The following SMC1B variants were observed in gnomAD, a reference collection of about 807,000 sequenced individuals.
SMC1B encodes the protein structural maintenance of chromosomes 1B, also known as structural maintenance of chromosomes protein 1B.
In SMC1B, 60 loss-of-function variants were observed where a neutral mutation model predicts 157.9. The observed-to-expected ratio is 0.38, with a 90% CI of 0.31 to 0.47. The LOEUF (loss-of-function observed/expected upper bound fraction) is 0.47, where lower values mean the gene tolerates loss of function less well. Ranked by LOEUF, SMC1B falls within the 20% of genes least tolerant of loss-of-function variation. The pLI, the probability that SMC1B is intolerant of heterozygous loss-of-function variation, is 0.99. For synonymous variants in SMC1B, 445 were observed against 483.0 expected, an observed-to-expected ratio of 0.92 and a Z score of 1.03; for missense variants, 1,165 against 1,426.2, an observed-to-expected ratio of 0.82 and a Z score of 2.95.
At chr22:45,392,464 A>AT (rs993206377) in intron 9 of SMC1B, among the ~76,000 whole-genome samples, 120 of 131,910 alleles carry the variant, frequency 9.1e-4, no homozygotes, top group African/African-American at 3.4e-3. Context: ...CATCAGGTCG[A>AT]TTTTTTTTTT....
At position 45,372,156 on chromosome 22, in the gene SMC1B, T is replaced by G; in HGVS notation, c.2195A>C (p.Gln732Pro). The stretch of plus-strand genomic sequence containing the variant: ...ATATTTTATGTAAGTCTATATTACC[T>G]GGTAAAAAGCAACAAGGTGCTTCTT... Reference protein sequence around the residue: ...IKKKHLVAFYQEQSQLQSELL... With the variant: ...IKKKHLVAFYPEQSQLQSELL... The change falls in exon 13 of 25, where the codon CAG (glutamine) becomes CCG (proline). Residue 732 changes from glutamine to proline, a missense_variant and splice_region_variant. Coordinates refer to ENST00000357450, the MANE Select transcript of SMC1B (RefSeq NM_148674.5). 6.2e-7 allele frequency: 1 copy of G among 1,601,230 alleles called. No individual in the cohort carries two copies. Among genetic ancestry groups the G allele is most frequent in the Non-Finnish European group, 8.5e-7 (1 of 1,176,004 alleles).
chr22:45,399,100 T>A lies in SMC1B; in HGVS notation c.1108A>T (p.Ser370Cys). 6.2e-7 allele frequency: 1 copy of A among 1,611,286 alleles called. No homozygotes were observed. Among genetic ancestry groups the A allele is most frequent in the Non-Finnish European group, 8.5e-7 (1 of 1,179,486 alleles). The change falls in exon 6 of 25, where the codon AGT becomes TGT. Residue 370 changes from serine (S) to cysteine (C), a missense_variant. Coordinates refer to ENST00000357450, the MANE Select transcript of SMC1B (RefSeq NM_148674.5). ...HKKRDIELEA[S>C]QLDRYKELKE... is the part of the protein sequence containing the mutation. ...CCTAAGTTGTCCTTTTTTACCTGAC[T>A]GGCTTCCAGTTCAATGTCTCGCTTT...
At chr22:45,385,589 G>A (rs1267495026) in intron 11 of SMC1B, among the ~76,000 whole-genome samples, 1 of 152,082 alleles carries the variant, frequency 6.6e-6, no homozygotes, top group Non-Finnish European at 1.5e-5. Flanking sequence ...AGATGTTACT[G>A]TGAACAAGAT....
At chr22:45,409,597 TAAATAAATAAATA>T (rs879480322) in intron 1 of SMC1B, among the ~76,000 whole-genome samples, 2,624 of 83,350 alleles carry the variant, frequency 0.031, 43 homozygotes, top group African/African-American at 0.15. Context: ...AATAAATAAA[TAAATAAATAAATA>T]AAAACAAGAG....
chr22:45,353,254 T>G (rs1184134840), intron 21 of SMC1B, among the ~76,000 whole-genome samples: 4 of 101,108 alleles, frequency 4.0e-5, no homozygotes, highest in Non-Finnish European at 5.6e-5. Flanking sequence ...AGAGGGAAAC[T>G]CTGTCTCAAA....
chr22:45,352,728 T>A, intron 21 of SMC1B, 126 bp from the exon 22 acceptor site: 1 of 892,802 alleles, frequency 1.1e-6, no homozygotes, highest in South Asian at 1.9e-5. Context: ...TACCAATGCC[T>A]ATAAATAATG....
intron 5 of SMC1B, 135 bp from the exon 6 acceptor site, chr22:45,399,488 G>C: frequency 1.2e-6 from 1 of 802,288 alleles, no homozygotes; most frequent in Non-Finnish European, 1.9e-6. Flanking sequence ...GCAGATCAAT[G>C]GTTGCCAAAG....
Position 45,344,677 on chromosome 22 carries a change from G to A in SMC1B, c.3607-20C>T. ...ATCGTACTAAAATGGAGAGAAGACA[G>A]TTAAAAGTTCCCCTAATTAGGGAAA... On this transcript the variant is annotated intron_variant, in intron 24 of 24. Coordinates refer to ENST00000357450, the MANE Select transcript of SMC1B (RefSeq NM_148674.5). 2 of 1,560,576 alleles carry A rather than the reference G, an allele frequency of 1.3e-6. No homozygotes were observed. Among genetic ancestry groups the A allele is most frequent in the South Asian group, 1.1e-5 (1 of 89,760 alleles).
At chr22:45,358,637 G>A (rs5764701) in intron 19 of SMC1B, 60 bp downstream of exon 19, 2 of 1,006,872 alleles carry the variant, frequency 2.0e-6, no homozygotes, top group Admixed American at 2.6e-5. Context: ...AAAATGATTC[G>A]GTAAGATTTA....
chr22:45,350,483 G>A (rs1433975607), intron 22 of SMC1B, among the ~76,000 whole-genome samples: 8 of 152,130 alleles, frequency 5.3e-5, no homozygotes, highest in South Asian at 2.1e-4. Context: ...TCATCATGTT[G>A]GCCAGGATGG....
At chr22:45,394,180 C>T (rs2087095435) in intron 8 of SMC1B, among the ~76,000 whole-genome samples, 1 of 151,784 alleles carries the variant, frequency 6.6e-6, no homozygotes, top group Admixed American at 6.6e-5. Context: ...AAAAAATTAG[C>T]CAGGTGTGGT....
chr22:45,350,283 T>A (rs5765265), intron 22 of SMC1B, among the ~76,000 whole-genome samples: 4 of 146,300 alleles, frequency 2.7e-5, no homozygotes, highest in African/African-American at 1.0e-4. Context: ...TTTTTTTAAA[T>A]TTTTTTATTT....
At chr22:45,345,025 A>G (rs1209665306) in intron 24 of SMC1B, among the ~76,000 whole-genome samples, 2 of 152,220 alleles carry the variant, frequency 1.3e-5, no homozygotes, top group Non-Finnish European at 2.9e-5. Context: ...GTGTGTTCAC[A>G]TTTTAGAAGT....
intron 4 of SMC1B, among the ~76,000 whole-genome samples, chr22:45,404,255 T>TG (rs2087231037): frequency 1.9e-3 from 1 of 514 alleles, no homozygotes; most frequent in East Asian, 0.12. Context: ...GGGGTTTTAT[T>TG]CACCCTATAT....
At chr22:45,351,689 A>G (rs1375126603) in intron 22 of SMC1B, among the ~76,000 whole-genome samples, 1 of 152,188 alleles carries the variant, frequency 6.6e-6, no homozygotes, top group African/African-American at 2.4e-5. Flanking sequence ...CTGGGCCTAC[A>G]GACATGTGTC....
intron 19 of SMC1B, among the ~76,000 whole-genome samples, chr22:45,355,679 T>C (rs553346015): frequency 1.3e-5 from 2 of 152,274 alleles, no homozygotes; most frequent in South Asian, 4.1e-4. Flanking sequence ...CCAATCCAGC[T>C]AGACAGGTTA....
At chr22:45,357,384 T>G (rs962338839) in intron 19 of SMC1B, among the ~76,000 whole-genome samples, 16 of 152,234 alleles carry the variant, frequency 1.1e-4, no homozygotes, top group Non-Finnish European at 4.4e-5. Flanking sequence ...AAAGCTGGAT[T>G]CCAGGTCTGT....
At chr22:45,366,782 T>A (rs1000680884) in intron 15 of SMC1B, among the ~76,000 whole-genome samples, 1 of 152,204 alleles carries the variant, frequency 6.6e-6, no homozygotes, top group African/African-American at 2.4e-5. Flanking sequence ...CCACAGATAA[T>A]TCTTAGATTT....
intron 16 of SMC1B, among the ~76,000 whole-genome samples, chr22:45,362,346 G>C (rs949650783): frequency 6.6e-6 from 1 of 152,044 alleles, no homozygotes; most frequent in Admixed American, 6.6e-5. Context: ...CCTCCTTCCT[G>C]AAACTCTGGG....
Sources: allele counts gnomAD v4.1 joint callset (sites outside exome capture counted in the v4.1 genomes callset), GRCh38; gene constraint gnomAD v4.1.1; transcripts MANE v1.5; gene names NCBI Gene and HGNC (gene_info 2026-07-23, HGNC 2026-07-21).